HPS1: variants seen among roughly 807,000 people sequenced by gnomAD.
The protein encoded by HPS1 is HPS1 biogenesis of lysosomal organelles complex 3 subunit 1.
A neutral mutation model predicts 90.6 loss-of-function variants in HPS1; 59 were observed. That is an observed-to-expected ratio of 0.65 (90% CI 0.53 to 0.81). The LOEUF is 0.81. HPS1 is among the 30% of genes least tolerant of loss of function. The pLI, the probability that HPS1 is intolerant of heterozygous loss-of-function variation, is 0.00. For missense variants in HPS1, 849 were observed against 896.7 expected (o/e 0.95, Z 0.68); for synonymous variants, 388 against 384.4 (o/e 1.01, Z -0.11).
chr10:98,416,845 A>G lies in HPS1; in HGVS notation c.*719T>C, dbSNP rs557194861. The G allele has an allele frequency of 1.2e-3, 190 of 152,444 alleles. 1 individual carries two copies. The highest frequency in any genetic ancestry group is 3.4e-3 in the Middle Eastern group (1 of 294). 9.4% of individuals were successfully genotyped at this position (152,444 alleles called of 1,614,324 possible). A position where few individuals can be genotyped will look rare whatever the true frequency, so the allele number is the denominator to read the frequency against. ...TCCAGGGCGCACCACAGAAGCTTTG[A>G]AAGACATCAAAGGCTGGGCTCCACG... is the stretch of plus-strand genomic sequence containing the variant. On this transcript the variant is annotated 3_prime_UTR_variant, in exon 20 of 20. Coordinates refer to ENST00000361490, the MANE Select transcript of HPS1 (RefSeq NM_000195.5).
intron 3 of HPS1, among the ~76,000 whole-genome samples, chr10:98,438,435 C>T (rs1020642938): frequency 6.6e-6 from 1 of 152,170 alleles, no homozygotes; most frequent in Admixed American, 6.5e-5. Flanking sequence ...TTATTTGGAA[C>T]TGGAACAAAG....
At position 98,435,635 on chromosome 10, in the gene HPS1, C is replaced by T. The variant is rs1472199476; in HGVS notation, c.255G>A (p.Leu85=). 1 of 1,614,174 alleles carries T rather than the reference C, an allele frequency of 6.2e-7. No individual in the cohort carries two copies. Among genetic ancestry groups the T allele is most frequent in the Non-Finnish European group, 8.5e-7 (1 of 1,180,036 alleles). The change falls in exon 4 of 20, where the codon CTG becomes CTA. Residue 85 remains leucine (L), a splice_region_variant and synonymous_variant. Coordinates refer to ENST00000361490, the MANE Select transcript of HPS1 (RefSeq NM_000195.5). The surrounding 1 kb of genome is among the most constrained non-coding windows in gnomAD (Gnocchi z 4.3). ...ATGGGCCCCAGAGCTATAGACTCAC[C>T]AGGTGAAGGACATACAGGAAGTTGC... The part of the protein sequence containing the change: ...ENGNFLYVLH[L]FGECLFIAIN...
chr10:98,435,883 T>A lies in HPS1; in HGVS notation c.118-111A>T, dbSNP rs562075900. 7.6e-7 allele frequency: 1 copy of A among 1,320,606 alleles called. No homozygotes were observed. The highest frequency in any genetic ancestry group is 1.8e-5 in the Admixed American group (1 of 54,066). 81.8% of individuals were successfully genotyped at this position (1,320,606 alleles called of 1,614,324 possible). ...AGGGTTCCATAGTGTTAGACCCTCC[T>A]GGGAGGGTATCACTGTCCTGGTAGG... On this transcript the variant is annotated intron_variant, in intron 3 of 19. Transcript: ENST00000361490. The surrounding 1 kb of genome is among the most constrained non-coding windows in gnomAD (Gnocchi z 4.3).
downstream of HPS1, chr10:98,414,990 GC>G: frequency 6.2e-7 from 1 of 1,610,800 alleles, no homozygotes. Flanking sequence ...CTCTGGCCCG[GC>G]CTGCTTTACC....
intron 11 of HPS1, among the ~76,000 whole-genome samples, chr10:98,426,572 C>T (rs1050511747): frequency 8.5e-5 from 13 of 152,242 alleles, no homozygotes; most frequent in African/African-American, 2.2e-4. Flanking sequence ...ACACATGACG[C>T]GATTTTCCTG....
chr10:98,426,668 A>C (rs1845639702), intron 11 of HPS1, among the ~76,000 whole-genome samples: 1 of 152,128 alleles, frequency 6.6e-6, no homozygotes, highest in Non-Finnish European at 1.5e-5. Context: ...GAAATGGAAA[A>C]ATGTTTAAAT....
intron 6 of HPS1, 78 bp downstream of exon 6, chr10:98,433,905 A>G: frequency 1.3e-6 from 2 of 1,539,068 alleles, no homozygotes; most frequent in Non-Finnish European, 1.8e-6. Context: ...CATTAGGGTT[A>G]AAACATGGTC....
rs121908386 is a variant in HPS1, at chr10:98,435,273, C to T, written c.397G>A (p.Glu133Lys). 45 of 1,614,062 alleles carry T rather than the reference C, an allele frequency of 2.8e-5. No homozygotes were observed. Among genetic ancestry groups the T allele is most frequent in the South Asian group, 4.4e-5 (4 of 91,070 alleles). ...AGGGGACCAGCTTTGAAGACTCACT[C>T]CTTTCGGATAAGATGACCGTCCACA... ...VTVDGHLIRK[E>K]LRPPDLAQRV... is the part of the protein sequence containing the mutation. The change falls in exon 5 of 20, where the codon GAG becomes AAG. Residue 133 changes from glutamate (E) to lysine (K), a missense_variant and splice_region_variant. Transcript: ENST00000361490. The surrounding 1 kb of genome is among the most constrained non-coding windows in gnomAD (Gnocchi z 4.3).
chr10:98,429,622 G>A lies in HPS1; in HGVS notation c.888C>T (p.Leu296=), dbSNP rs942950400. 21 of 1,614,102 alleles carry A rather than the reference G, an allele frequency of 1.3e-5. No individual in the cohort carries two copies. Among genetic ancestry groups the A allele is most frequent in the Non-Finnish European group, 1.8e-5 (21 of 1,180,042 alleles). Residue 296 remains leucine (L), a synonymous_variant, in exon 10 of 20, where the codon CTC becomes CTT. Coordinates refer to ENST00000361490, the MANE Select transcript of HPS1 (RefSeq NM_000195.5). ...SAETETDSFS[L]PEEYFTPAPS... ...GAGCTGGTGTGAAGTACTCCTCAGG[G>A]AGGGAGAAGCTGTCTGTCTCCTGGA...
chr10:98,437,963 A>C (rs1279553442), intron 3 of HPS1, among the ~76,000 whole-genome samples: 1 of 152,176 alleles, frequency 6.6e-6, no homozygotes, highest in African/African-American at 2.4e-5. Context: ...AGTCCTCACC[A>C]GATCTGATGG....
Position 98,434,973 on chromosome 10 carries a change from G to C in HPS1, c.398+299C>G, listed in dbSNP as rs558812521. On this transcript the variant is annotated intron_variant, in intron 5 of 19. Coordinates refer to ENST00000361490, the MANE Select transcript of HPS1 (RefSeq NM_000195.5). The stretch of plus-strand genomic sequence containing the variant: ...GTAATGACGGGTGATGATGTTGGGA[G>C]GATGGAAAGAGCACTGGACTGAGAG... 16 of 439,176 alleles carry C rather than the reference G, an allele frequency of 3.6e-5. No individual in the cohort carries two copies. The East Asian group carries it at 7.6e-4, about 21-fold the overall frequency. 27.2% of individuals were successfully genotyped at this position (439,176 alleles called of 1,614,324 possible). A position where few individuals can be genotyped will look rare whatever the true frequency, so the allele number is the denominator to read the frequency against.
In HPS1 at chr10:98,445,853, T is replaced by C. The variant is rs1281570362; in HGVS notation, c.-105-449A>G. Among the ~76,000 whole-genome samples the C allele has an allele frequency of 6.6e-6, 1 of 152,194 alleles. No individual in the cohort carries two copies. Among genetic ancestry groups the C allele is most frequent in the Non-Finnish European group, 1.5e-5 (1 of 68,038 alleles). Reference sequence around the variant, plus strand: ...AGGCATCTGGGACCAGGTTCTAGTTTTGGCTTTGCCAAGTCCCATAAACCT... The same window carrying C: ...AGGCATCTGGGACCAGGTTCTAGTTCTGGCTTTGCCAAGTCCCATAAACCT... On this transcript the variant is annotated intron_variant, in intron 1 of 19. Transcript: ENST00000361490. The surrounding 1 kb of genome is among the most constrained non-coding windows in gnomAD (Gnocchi z 4.5).
At chr10:98,425,445 C>A in intron 13 of HPS1, 96 bp downstream of exon 13, 1 of 1,253,074 alleles carries the variant, frequency 8.0e-7, no homozygotes, top group Non-Finnish European at 1.1e-6. Flanking sequence ...GACAGGAACC[C>A]AGGCCCATTG....
intron 14 of HPS1, 113 bp from the exon 15 acceptor site, chr10:98,424,000 C>A (rs1176550962): frequency 5.7e-6 from 8 of 1,404,744 alleles, no homozygotes; most frequent in Non-Finnish European, 5.9e-6. Flanking sequence ...GAGCCCTTCC[C>A]CCTTGTGGAC....
intron 3 of HPS1, among the ~76,000 whole-genome samples, chr10:98,441,658 C>T (rs1405389991): frequency 6.6e-6 from 1 of 152,110 alleles, no homozygotes; most frequent in African/African-American, 2.4e-5. Context: ...TCTCAAAACT[C>T]AGTAAGAATA....
At chr10:98,414,973 C>A, downstream of HPS1, 1 of 1,605,768 alleles carries the variant, frequency 6.2e-7, no homozygotes, top group Non-Finnish European at 8.5e-7. Context: ...GTCTTCCCGC[C>A]CCTCAGCTCT....
chr10:98,420,285 C>T (rs570270850), intron 17 of HPS1, 127 bp from the exon 18 acceptor site: 15 of 734,078 alleles, frequency 2.0e-5, no homozygotes, highest in South Asian at 8.6e-5. Context: ...TCCTAGTACC[C>T]GGGCACTGCC....
chr10:98,431,135 A>G lies in HPS1; in HGVS notation c.664T>C (p.Ser222Pro). 1 of 1,614,114 alleles carries G rather than the reference A, an allele frequency of 6.2e-7. No homozygotes were observed. Among genetic ancestry groups the G allele is most frequent in the Non-Finnish European group, 8.5e-7 (1 of 1,179,998 alleles). ...LVHSKLLAFY[S>P]SHSASSLRPA... ...CATGCCAGACCTTGAGCTCACCTAG[A>G]GTAGAATGCCAGCAGCTTGGAGTGC... The change falls in exon 7 of 20, where the codon TCT (serine) becomes CCT (proline). Residue 222 changes from serine to proline, a missense_variant. Ser to Pro is a moderately conservative substitution (Grantham distance 74). Transcript: ENST00000361490.
Position 98,434,096 on chromosome 10 carries a change from G to T in HPS1, c.399-5C>A. On this transcript the variant is annotated splice_region_variant and splice_polypyrimidine_tract_variant and intron_variant, in intron 5 of 19. Coordinates refer to ENST00000361490, the MANE Select transcript of HPS1 (RefSeq NM_000195.5). ...GCCAGGTCTGGGGGCCGCAGCCTGG[G>T]GGCAGAGCCAGAGAGGGCGGGAGAG... 6.5e-7 allele frequency: 1 copy of T among 1,548,512 alleles called. No individual in the cohort carries two copies. The highest frequency in any genetic ancestry group is 8.7e-7 in the Non-Finnish European group (1 of 1,146,854).
Sources: allele counts gnomAD v4.1 joint callset (sites outside exome capture counted in the v4.1 genomes callset), GRCh38; gene constraint gnomAD v4.1.1; non-coding constraint Gnocchi (gnomAD v3.1); transcripts MANE v1.5; gene names NCBI Gene and HGNC (gene_info 2026-07-23, HGNC 2026-07-21).